Variants in TOP6BL observed in about 807,000 individuals in gnomAD.
TOP6BL encodes TOP6B like initiator of meiotic double strand breaks, also known as type 2 DNA topoisomerase 6 subunit B-like.
At chr11:66,828,456 ACTGCATAATCTGAGGTCAGCCTTT>A in the TOP6BL span, 2 of 920,434 alleles carry the variant, frequency 2.2e-6, no homozygotes, top group Non-Finnish European at 1.7e-6. Context: ...AGTGTTTCAG[ACTGCATAATCTGAGGTCAGCCTTT>A]CAGCAAGGAA....
chr11:66,815,355 A>C, the TOP6BL span, among the ~76,000 whole-genome samples: 1 of 152,208 alleles, frequency 6.6e-6, no homozygotes, highest in Non-Finnish European at 1.5e-5. Flanking sequence ...CAGGATCCAC[A>C]TGGAGGTACT....
At chr11:66,784,956 CTTTTTTTTT>C in the TOP6BL span, among the ~76,000 whole-genome samples, 5 of 95,126 alleles carry the variant, frequency 5.3e-5, no homozygotes, top group Non-Finnish European at 9.8e-5. Flanking sequence ...TCTAAGATTT[CTTTTTTTTT>C]TTTTTTTTTT....
the TOP6BL span, among the ~76,000 whole-genome samples, chr11:66,779,787 A>C: frequency 6.6e-6 from 1 of 152,180 alleles, no homozygotes; most frequent in Admixed American, 6.5e-5. Context: ...GATAGACTGG[A>C]TTAAGAAAAT....
chr11:66,820,818 T>G, the TOP6BL span, among the ~76,000 whole-genome samples: 2 of 152,222 alleles, frequency 1.3e-5, no homozygotes, highest in East Asian at 3.8e-4. Context: ...ATCCCTTATT[T>G]GTTTCTTTAA....
chr11:66,839,222 T>C, the TOP6BL span: 1 of 456,064 alleles, frequency 2.2e-6, no homozygotes, highest in Non-Finnish European at 4.4e-6. Context: ...TATTCTGAGC[T>C]TTTAAAATGT....
At chr11:66,751,045 T>C in the TOP6BL span, among the ~76,000 whole-genome samples, 1 of 151,772 alleles carries the variant, frequency 6.6e-6, no homozygotes, top group Non-Finnish European at 1.5e-5. Context: ...AGACAGGGTC[T>C]TACTCTGTCA....
At chr11:66,751,441 C>T in the TOP6BL span, among the ~76,000 whole-genome samples, 26 of 151,936 alleles carry the variant, frequency 1.7e-4, no homozygotes, top group Non-Finnish European at 1.5e-5. Flanking sequence ...GATCCACCCA[C>T]CTCAGCCTCC....
At chr11:66,804,707 G>A in the TOP6BL span, among the ~76,000 whole-genome samples, 1 of 152,286 alleles carries the variant, frequency 6.6e-6, no homozygotes, top group East Asian at 1.9e-4. Context: ...GCAGGCCGAG[G>A]TGGGCGGATC....
the TOP6BL span, among the ~76,000 whole-genome samples, chr11:66,786,204 A>G: frequency 6.6e-6 from 1 of 152,184 alleles, no homozygotes; most frequent in Non-Finnish European, 1.5e-5. Flanking sequence ...AGGCTGAGGC[A>G]GGAGACCCTG....
the TOP6BL span, among the ~76,000 whole-genome samples, chr11:66,835,793 T>C: frequency 6.6e-6 from 1 of 152,270 alleles, no homozygotes; most frequent in African/African-American, 2.4e-5. Context: ...TACCACATTT[T>C]ATCCATTAAT....
At chr11:66,822,480 ATGGAAATGTGTGGGCCCTC>A in the TOP6BL span, 9 of 837,708 alleles carry the variant, frequency 1.1e-5, no homozygotes. Context: ...TCCTGCTCTG[ATGGAAATGTGTGGGCCCTC>A]TGGGATTCTC....
At chr11:66,834,264 C>T in the TOP6BL span, among the ~76,000 whole-genome samples, 1 of 152,108 alleles carries the variant, frequency 6.6e-6, no homozygotes, top group East Asian at 1.9e-4. Context: ...GAATTTGTAC[C>T]GAGAGCTCCC....
the TOP6BL span, chr11:66,744,819 GGGCGGCGGCGGCGGC>G: frequency 1.5e-4 from 179 of 1,230,582 alleles, 1 homozygote; most frequent in South Asian, 1.9e-3. Context: ...GCTGAGGAGG[GGGCGGCGGCGGCGGC>G]GGCGGCGGCG....
At chr11:66,748,317 G>A in the TOP6BL span, 4 of 1,289,932 alleles carry the variant, frequency 3.1e-6, no homozygotes, top group South Asian at 4.4e-5. Flanking sequence ...GGGTCATAGA[G>A]ATGTATTATT....
chr11:66,843,016 G>A, the TOP6BL span: 1 of 1,553,256 alleles, frequency 6.4e-7, no homozygotes, highest in South Asian at 1.2e-5. Flanking sequence ...GCACCGCGAG[G>A]CTCACGGCAG....
the TOP6BL span, among the ~76,000 whole-genome samples, chr11:66,749,064 G>GGT: frequency 6.0e-5 from 9 of 150,492 alleles, no homozygotes; most frequent in Non-Finnish European, 8.9e-5. Flanking sequence ...GTGTGTGTGT[G>GGT]GTGTGTGTGT....
At chr11:66,744,785 G>C in the TOP6BL span, 11 of 1,255,738 alleles carry the variant, frequency 8.8e-6, no homozygotes, top group Non-Finnish European at 9.0e-6. Flanking sequence ...TCGGGCGTGG[G>C]CACTGGCGGA....
the TOP6BL span, among the ~76,000 whole-genome samples, chr11:66,764,496 C>CAA: frequency 9.8e-3 from 574 of 58,658 alleles, 6 homozygotes; most frequent in African/African-American, 0.028. Flanking sequence ...ACTAAAAATA[C>CAA]AAAAAAAAAA....
At chr11:66,822,185 CT>C in the TOP6BL span, among the ~76,000 whole-genome samples, 11 of 152,048 alleles carry the variant, frequency 7.2e-5, no homozygotes, top group African/African-American at 1.9e-4. Flanking sequence ...ATCCTGTGTA[CT>C]TTTGGTAACA....
Sources: allele counts gnomAD v4.1 joint callset (sites outside exome capture counted in the v4.1 genomes callset), GRCh38; gene constraint gnomAD v4.1.1; transcripts MANE v1.5; gene names NCBI Gene and HGNC (gene_info 2026-07-23, HGNC 2026-07-21).